Variants in DACH2 observed in about 807,000 individuals in gnomAD.
DACH2 encodes the protein dachshund family transcription factor 2, also known as dachshund homolog 2.
Under a neutral mutation model 35.8 loss-of-function variants are expected in DACH2, and 17 were observed. The ratio of observed to expected loss-of-function variants is 0.48; its 90% CI spans 0.33 to 0.71. DACH2 has a LOEUF of 0.71. Among genes scored for constraint, DACH2 ranks in the 30% least tolerant of loss-of-function variants. DACH2 has a pLI of 0.02. For missense variants in DACH2, 469 were observed against 472.7 expected, an observed-to-expected ratio of 0.99 and a Z score of 0.07; for synonymous variants, 195 against 177.3, an observed-to-expected ratio of 1.10 and a Z score of -0.79.
chrX:86,638,315 G>A (rs1244218647), intron 3 of DACH2, among the ~76,000 whole-genome samples: 2 of 111,630 alleles, frequency 1.8e-5, no homozygotes, highest in Non-Finnish European at 3.8e-5. Context: ...AATATCCGAA[G>A]AAAACCCAGG....
intron 1 of DACH2, among the ~76,000 whole-genome samples, chrX:86,303,749 T>A (rs978391402): frequency 1.8e-5 from 2 of 111,098 alleles, no homozygotes; most frequent in East Asian, 5.6e-4. Context: ...TATATCTTTC[T>A]GTACCCATAA....
intron 2 of DACH2, among the ~76,000 whole-genome samples, chrX:86,462,788 G>T (rs1040028455): frequency 9.0e-6 from 1 of 111,028 alleles, no homozygotes; most frequent in East Asian, 2.8e-4. Flanking sequence ...ACCTACCTTT[G>T]AGGAAGTCAT....
At chrX:86,317,945 C>T in intron 1 of DACH2, among the ~76,000 whole-genome samples, 1 of 111,641 alleles carries the variant, frequency 9.0e-6, no homozygotes, top group South Asian at 3.8e-4. Flanking sequence ...ATTGGCTTTG[C>T]AAGTCAAGCT....
intron 4 of DACH2, among the ~76,000 whole-genome samples, chrX:86,658,662 A>G (rs148472513): frequency 9.0e-6 from 1 of 111,692 alleles, no homozygotes; most frequent in African/African-American, 3.2e-5. Flanking sequence ...TCAATCACTA[A>G]AGGTTATGGC....
chrX:86,526,456 G>C (rs1050966670), intron 3 of DACH2, among the ~76,000 whole-genome samples: 2 of 111,471 alleles, frequency 1.8e-5, no homozygotes, highest in African/African-American at 6.5e-5. Context: ...ATGTTTTCTT[G>C]TGACTTGTTT....
intron 2 of DACH2, among the ~76,000 whole-genome samples, chrX:86,434,095 A>T (rs67251241): frequency 0.037 from 4,163 of 112,347 alleles, 83 homozygotes; most frequent in East Asian, 0.22. Context: ...AGAGAAAAAA[A>T]CATACTTTTT....
intron 1 of DACH2, among the ~76,000 whole-genome samples, chrX:86,332,788 A>G (rs2035235939): frequency 8.9e-6 from 1 of 111,874 alleles, no homozygotes. Flanking sequence ...AAATTCCATA[A>G]TTCAAGTTAG....
chrX:86,210,874 A>C (rs541911959), intron 1 of DACH2, among the ~76,000 whole-genome samples: 1 of 111,936 alleles, frequency 8.9e-6, no homozygotes, highest in Middle Eastern at 4.6e-3. Flanking sequence ...TCAGGGGGAA[A>C]TAAATATTGG....
intron 2 of DACH2, among the ~76,000 whole-genome samples, chrX:86,439,223 C>A (rs1024092304): frequency 9.0e-6 from 1 of 111,242 alleles, no homozygotes; most frequent in Admixed American, 9.5e-5. Flanking sequence ...ATGTTCTTTG[C>A]CCACTTTTTA....
intron 4 of DACH2, among the ~76,000 whole-genome samples, chrX:86,688,766 A>T (rs2040977123): frequency 8.9e-6 from 1 of 112,059 alleles, no homozygotes; most frequent in African/African-American, 3.2e-5. Context: ...TTTTACACAA[A>T]CTGCTTATCC....
At position 86,428,985 on chromosome X, in the gene DACH2, A is replaced by G. The variant is rs958560511; in HGVS notation, c.527+52123A>G. On this transcript the variant is annotated intron_variant, in intron 2 of 11. Transcript: ENST00000373125. ...CTCTTTTTAGGCAAATGAAGGGTAA[A>G]TTGGAGACTTAAAAGCCCAGCATGT... Among the ~76,000 whole-genome samples, 6 of 111,325 alleles carry G rather than the reference A, an allele frequency of 5.4e-5. No homozygotes were observed. In the Admixed American group the frequency reaches 5.8e-4, roughly 11 times the overall value.
At chrX:86,691,133 A>C (rs1017316478) in intron 4 of DACH2, among the ~76,000 whole-genome samples, 5 of 111,793 alleles carry the variant, frequency 4.5e-5, no homozygotes, top group Non-Finnish European at 7.5e-5. Context: ...CTTGTTAAAA[A>C]TGCTGTTCAG....
At chrX:86,297,548 T>A (rs2034491707) in intron 1 of DACH2, among the ~76,000 whole-genome samples, 1 of 111,466 alleles carries the variant, frequency 9.0e-6, no homozygotes, top group Admixed American at 9.6e-5. Context: ...AAAGATAATT[T>A]ATTGGAAAGC....
intron 7 of DACH2, among the ~76,000 whole-genome samples, chrX:86,764,656 GTC>G (rs749154182): frequency 2.7e-5 from 3 of 111,308 alleles, no homozygotes; most frequent in Non-Finnish European, 5.6e-5. Context: ...TTGATTACAT[GTC>G]TCTGCTCTTG....
intron 7 of DACH2, among the ~76,000 whole-genome samples, chrX:86,760,473 T>C (rs1454846147): frequency 8.9e-6 from 1 of 111,998 alleles, no homozygotes; most frequent in Non-Finnish European, 1.9e-5. Flanking sequence ...TTTGTTCTGC[T>C]GTAGTCAGTT....
At chrX:86,278,215 C>A (rs1023284099) in intron 1 of DACH2, among the ~76,000 whole-genome samples, 16 of 112,067 alleles carry the variant, frequency 1.4e-4, no homozygotes, top group Admixed American at 4.7e-4. Flanking sequence ...TCAATGCCTG[C>A]AGCCATCATT....
chrX:86,339,372 G>T (rs73518164), intron 1 of DACH2, among the ~76,000 whole-genome samples: 132 of 111,741 alleles, frequency 1.2e-3, no homozygotes, highest in African/African-American at 4.0e-3. Flanking sequence ...AAGTAAAGTA[G>T]ATCTTACAGA....
At chrX:86,431,259 T>C (rs1275270508) in intron 2 of DACH2, among the ~76,000 whole-genome samples, 2 of 111,626 alleles carry the variant, frequency 1.8e-5, no homozygotes, top group Admixed American at 9.6e-5. Context: ...CTGGGAAAAT[T>C]GGGATTATTA....
chrX:86,376,594 G>A lies in DACH2; in HGVS notation c.489-230G>A, dbSNP rs113952786. 1.0e-3 allele frequency among the ~76,000 whole-genome samples: 115 copies of A among 110,585 alleles called. 1 individual carries two copies. Among genetic ancestry groups the A allele is most frequent in the African/African-American group, 3.5e-3 (107 of 30,603 alleles). On this transcript the variant is annotated intron_variant, in intron 1 of 11. Coordinates refer to ENST00000373125, the MANE Select transcript of DACH2 (RefSeq NM_053281.3). ...TCAATGGGGATTATACTATAAATGTGCTAACATTATTCATATATTTAAAAC... is the reference window on the plus strand; with the variant it reads ...TCAATGGGGATTATACTATAAATGTACTAACATTATTCATATATTTAAAAC...
Sources: gnomAD v4.1 joint callset for allele counts (sites outside exome capture counted in the v4.1 genomes callset) on GRCh38, gnomAD v4.1.1 for gene constraint, MANE v1.5 for transcripts, NCBI Gene and HGNC (gene_info 2026-07-23, HGNC 2026-07-21) for gene names.